PLXNC1: variants seen among roughly 807,000 people sequenced by gnomAD.
PLXNC1 encodes the protein plexin-C1.
A neutral mutation model predicts 178.2 loss-of-function variants in PLXNC1; 75 were observed. That is an observed-to-expected ratio of 0.42 (90% CI 0.35 to 0.51). The LOEUF (loss-of-function observed/expected upper bound fraction) is 0.51. Ranked by LOEUF, PLXNC1 falls within the 20% of genes least tolerant of loss-of-function variation. The pLI is 0.02. For synonymous variants in PLXNC1, 790 were observed against 779.9 expected, an observed-to-expected ratio of 1.01 and a Z score of -0.22; for missense variants, 1,503 against 1,984.4, an observed-to-expected ratio of 0.76 and a Z score of 4.61.
At chr12:94,267,528 T>C (rs367650427) in intron 21 of PLXNC1, among the ~76,000 whole-genome samples, 4 of 152,302 alleles carry the variant, frequency 2.6e-5, no homozygotes, top group African/African-American at 9.6e-5. Context: ...GAAATCCACA[T>C]AAATCTTCCT....
intron 4 of PLXNC1, among the ~76,000 whole-genome samples, chr12:94,199,102 A>T (rs1963029673): frequency 6.6e-6 from 1 of 152,216 alleles, no homozygotes; most frequent in African/African-American, 2.4e-5. Flanking sequence ...CGCTAAATTT[A>T]AACGGGAGCC....
At chr12:94,151,363 G>T (rs1200179815) in intron 1 of PLXNC1, among the ~76,000 whole-genome samples, 1 of 152,120 alleles carries the variant, frequency 6.6e-6, no homozygotes, top group Non-Finnish European at 1.5e-5. Flanking sequence ...TCTTAGAACG[G>T]TCACTTGCTG....
At chr12:94,272,334 C>T (rs1965623080) in intron 21 of PLXNC1, 1 of 152,294 alleles carries the variant, frequency 6.6e-6, no homozygotes, top group African/African-American at 2.4e-5. Context: ...AGTGTCTGCT[C>T]ACCCCAGCCT....
At chr12:94,295,894 C>G (rs1037247114) in intron 24 of PLXNC1, among the ~76,000 whole-genome samples, 6 of 152,172 alleles carry the variant, frequency 3.9e-5, no homozygotes, top group African/African-American at 1.4e-4. Flanking sequence ...GATGACTTCA[C>G]CCTGCACTCT....
At chr12:94,153,249 C>T (rs1336029132) in intron 1 of PLXNC1, among the ~76,000 whole-genome samples, 3 of 152,198 alleles carry the variant, frequency 2.0e-5, no homozygotes, top group Non-Finnish European at 4.4e-5. Context: ...TTCCCACCAC[C>T]CCAGGGTTTC....
intron 24 of PLXNC1, 84 bp downstream of exon 24, chr12:94,294,624 C>G (rs906304749): frequency 1.5e-6 from 1 of 650,596 alleles, no homozygotes; most frequent in Non-Finnish European, 2.8e-6. Context: ...TGTATTGTCA[C>G]AAAGGTGAGA....
At chr12:94,173,888 G>C (rs2135947254) in intron 2 of PLXNC1, among the ~76,000 whole-genome samples, 1 of 152,318 alleles carries the variant, frequency 6.6e-6, no homozygotes, top group African/African-American at 2.4e-5. Flanking sequence ...TCTCTGAGCT[G>C]CGCGTAGTCC....
chr12:94,298,203 A>G (rs1052653713), intron 26 of PLXNC1, among the ~76,000 whole-genome samples: 2 of 152,260 alleles, frequency 1.3e-5, no homozygotes, highest in Admixed American at 1.3e-4. Context: ...TGGAAAGTAC[A>G]CAATAAAACT....
chr12:94,227,667 G>A lies in PLXNC1; in HGVS notation c.1980+432G>A, dbSNP rs112416297. On this transcript the variant is annotated intron_variant, in intron 9 of 30. Transcript: ENST00000258526. ...TGTTTTTTTTCAACTTTGTAGGGACGTCTAACCAGTAGTGAACACTGCTAA... is the reference window on the plus strand; with the variant it reads ...TGTTTTTTTTCAACTTTGTAGGGACATCTAACCAGTAGTGAACACTGCTAA... 3.2e-3 allele frequency among the ~76,000 whole-genome samples: 485 copies of A among 152,180 alleles called. 4 individuals are homozygous for A. Among genetic ancestry groups the A allele is most frequent in the African/African-American group, 9.5e-3 (393 of 41,550 alleles).
chr12:94,268,642 T>C (rs1965393901), intron 21 of PLXNC1, among the ~76,000 whole-genome samples: 2 of 142,370 alleles, frequency 1.4e-5, no homozygotes, highest in African/African-American at 5.3e-5. Flanking sequence ...TAGTGCAGGC[T>C]GGAGTGCAGT....
chr12:94,211,127 A>C (rs1364009790), intron 5 of PLXNC1, among the ~76,000 whole-genome samples: 1 of 152,232 alleles, frequency 6.6e-6, no homozygotes, highest in Non-Finnish European at 1.5e-5. Flanking sequence ...GCTCACTATT[A>C]CAAATTAATC....
chr12:94,185,790 G>A (rs1294931881), intron 3 of PLXNC1, among the ~76,000 whole-genome samples: 1 of 152,190 alleles, frequency 6.6e-6, no homozygotes. Flanking sequence ...ACACTCCTGG[G>A]GCAGAGCCTT....
rs1969165121 is a variant in PLXNC1, at chr12:94,307,450, A to G, written c.*2165A>G. On this transcript the variant is annotated 3_prime_UTR_variant, in exon 31 of 31. Transcript: ENST00000258526. ...CAGCAACCAGAGCAACAAATGGCAA[A>G]CAATTTCTATTTTCAAGTTTCTTTG... 6.6e-6 allele frequency: 1 copy of G among 152,218 alleles called. No homozygotes were observed. Among genetic ancestry groups the G allele is most frequent in the Admixed American group, 6.5e-5 (1 of 15,276 alleles). The allele number at this position is 152,218 out of a possible 1,614,324, so 9.4% of individuals were successfully genotyped here.
At chr12:94,171,779 C>T (rs199800681) in intron 2 of PLXNC1, among the ~76,000 whole-genome samples, 3 of 152,184 alleles carry the variant, frequency 2.0e-5, no homozygotes, top group South Asian at 2.1e-4. Context: ...GACCATCTGA[C>T]TGAGGAAATA....
chr12:94,198,463 T>TGCCTATGTA (rs1487613122), intron 4 of PLXNC1, among the ~76,000 whole-genome samples: 7 of 151,902 alleles, frequency 4.6e-5, no homozygotes, highest in Non-Finnish European at 1.0e-4. Flanking sequence ...GTAACAAACC[T>TGCCTATGTA]ACACATCCTG....
chr12:94,237,844 G>T (rs201086654), intron 10 of PLXNC1, 41 bp downstream of exon 10: 1 of 1,596,016 alleles, frequency 6.3e-7, no homozygotes, highest in East Asian at 2.2e-5. Context: ...GTAACGTAAC[G>T]CTCAAACCTG....
At chr12:94,275,854 CAAAAAAAAA>C (rs34551603) in intron 21 of PLXNC1, among the ~76,000 whole-genome samples, 3 of 23,100 alleles carry the variant, frequency 1.3e-4, no homozygotes, top group South Asian at 3.4e-3. Flanking sequence ...GACTCCGTCT[CAAAAAAAAA>C]AAAAAAAAAA....
chr12:94,243,256 C>A (rs1171768273), intron 11 of PLXNC1, among the ~76,000 whole-genome samples: 1 of 152,186 alleles, frequency 6.6e-6, no homozygotes, highest in Non-Finnish European at 1.5e-5. Flanking sequence ...GGCTCTTGTC[C>A]CCTAGAATGA....
chr12:94,303,673 A>T, intron 28 of PLXNC1, 83 bp from the exon 29 acceptor site: 2 of 1,227,934 alleles, frequency 1.6e-6, no homozygotes, highest in Non-Finnish European at 2.2e-6. Flanking sequence ...GCTACATTGG[A>T]ATATTATAAA....
Sources: gnomAD v4.1 joint callset for allele counts (sites outside exome capture counted in the v4.1 genomes callset) on GRCh38, gnomAD v4.1.1 for gene constraint, MANE v1.5 for transcripts, NCBI Gene and HGNC (gene_info 2026-07-23, HGNC 2026-07-21) for gene names.